Variants in ATL3 observed in about 807,000 individuals in gnomAD.
The protein encoded by ATL3 is atlastin GTPase 3.
A neutral mutation model predicts 69.5 loss-of-function variants in ATL3; 49 were observed. That is an observed-to-expected ratio of 0.71 (90% CI 0.56 to 0.89). The LOEUF (loss-of-function observed/expected upper bound fraction) is 0.89. Ranked by LOEUF, ATL3 falls within the 40% of genes least tolerant of loss-of-function variation. The probability of loss-of-function intolerance (pLI) is 0.00; values close to 1 mark genes in which losing one functional copy is unlikely to be tolerated. For missense variants in ATL3, 606 were observed against 645.7 expected (o/e 0.94, Z 0.67); for synonymous variants, 214 against 224.1 (o/e 0.95, Z 0.40).
chr11:63,662,890 A>C (rs556217174), intron 1 of ATL3, among the ~76,000 whole-genome samples: 1 of 152,030 alleles, frequency 6.6e-6, no homozygotes, highest in African/African-American at 2.4e-5. Flanking sequence ...CATTTAAAGT[A>C]GACTTAAGGA....
At chr11:63,632,903 C>T (rs907806912) in intron 11 of ATL3, 123 bp downstream of exon 11, 13 of 900,702 alleles carry the variant, frequency 1.4e-5, no homozygotes, top group Non-Finnish European at 1.9e-5. Context: ...CCAGGACAAC[C>T]TGAATATAAG....
chr11:63,644,300 A>G, intron 6 of ATL3, 39 bp from the exon 7 acceptor site: 1 of 1,298,982 alleles, frequency 7.7e-7, no homozygotes, highest in Non-Finnish European at 1.1e-6. Context: ...TAACATGCAT[A>G]AACACATTTT....
At chr11:63,634,936 C>T (rs920081158) in intron 10 of ATL3, among the ~76,000 whole-genome samples, 1 of 151,410 alleles carries the variant, frequency 6.6e-6, no homozygotes, top group African/African-American at 2.4e-5. Context: ...CCAAGACGGT[C>T]GGATTGCTTG....
intron 5 of ATL3, chr11:63,650,716 T>C (rs954439438): frequency 7.2e-5 from 11 of 152,166 alleles, no homozygotes; most frequent in Non-Finnish European, 1.2e-4. Context: ...CTTACATATA[T>C]CTATAGCACT....
At chr11:63,658,107 T>G (rs971179248) in intron 3 of ATL3, among the ~76,000 whole-genome samples, 1 of 152,162 alleles carries the variant, frequency 6.6e-6, no homozygotes, top group African/African-American at 2.4e-5. Flanking sequence ...CTGCCCACCC[T>G]GGCCTCCCAA....
chr11:63,648,097 G>A (rs1939944706), intron 5 of ATL3, among the ~76,000 whole-genome samples: 1 of 152,140 alleles, frequency 6.6e-6, no homozygotes, highest in Non-Finnish European at 1.5e-5. Context: ...CTCCATAGAA[G>A]ATGGGAAGTG....
chr11:63,644,955 G>T (rs1033294274), intron 6 of ATL3, among the ~76,000 whole-genome samples: 2 of 152,080 alleles, frequency 1.3e-5, no homozygotes, highest in African/African-American at 2.4e-5. Context: ...AGTGGCTCAC[G>T]CCTGTATCCC....
chr11:63,658,230 C>T (rs1426596303), intron 3 of ATL3, among the ~76,000 whole-genome samples: 1 of 152,130 alleles, frequency 6.6e-6, no homozygotes, highest in Non-Finnish European at 1.5e-5. Context: ...AATTAAAAAG[C>T]TATGTGTTTT....
upstream of ATL3, chr11:63,671,825 T>A: frequency 1.0e-6 from 1 of 975,156 alleles, no homozygotes; most frequent in Non-Finnish European, 1.3e-6. Flanking sequence ...TCCTGCGAGC[T>A]GCGGCCGGCG....
chr11:63,645,690 A>C (rs1318737503), intron 6 of ATL3, among the ~76,000 whole-genome samples: 1 of 151,844 alleles, frequency 6.6e-6, no homozygotes, highest in African/African-American at 2.4e-5. Flanking sequence ...TCCTAGGCTT[A>C]AGTGATCCTC....
chr11:63,637,193 T>C lies in ATL3; in HGVS notation c.851-859A>G, dbSNP rs554341369. 2.6e-5 allele frequency among the ~76,000 whole-genome samples: 4 copies of C among 151,610 alleles called. No individual in the cohort carries two copies. In the East Asian group the frequency reaches 7.9e-4, roughly 30 times the overall value. On this transcript the variant is annotated intron_variant, in intron 8 of 12. Transcript: ENST00000398868. ...TCGGGAGGCTGAAGCAGAGAATAGC[T>C]TGAACCCGGAAGGCAGAGGTTGCAG... is the stretch of plus-strand genomic sequence containing the variant.
intron 4 of ATL3, 138 bp from the exon 5 acceptor site, chr11:63,652,124 G>C: frequency 7.1e-7 from 1 of 1,406,870 alleles, no homozygotes; most frequent in Non-Finnish European, 9.3e-7. Flanking sequence ...ACAGCAATAT[G>C]ATCTGTCTTT....
At chr11:63,633,208 T>C in intron 10 of ATL3, 111 bp from the exon 11 acceptor site, 1 of 831,108 alleles carries the variant, frequency 1.2e-6, no homozygotes, top group Non-Finnish European at 1.9e-6. Context: ...TTATTAACCT[T>C]CTATTTTTCT....
chr11:63,664,979 T>A (rs1940532140), intron 1 of ATL3, among the ~76,000 whole-genome samples: 1 of 152,018 alleles, frequency 6.6e-6, no homozygotes. Flanking sequence ...AGGATCCAAG[T>A]GGCATTGTCA....
chr11:63,651,400 C>T (rs1940074600), intron 5 of ATL3, among the ~76,000 whole-genome samples: 1 of 149,980 alleles, frequency 6.7e-6, no homozygotes, highest in South Asian at 2.1e-4. Flanking sequence ...AGCAAGACTT[C>T]GTCTTAAAAA....
In ATL3 at chr11:63,624,907, C is replaced by CT. The variant is rs1165291142; in HGVS notation, c.*4411dup. The CT allele has an allele frequency of 1.3e-5, 2 of 152,136 alleles. No homozygotes were observed. The highest frequency in any genetic ancestry group is 2.9e-5 in the Non-Finnish European group (2 of 68,034). The allele number at this position is 152,136 out of a possible 1,614,324, so 9.4% of individuals were successfully genotyped here. A position where few individuals can be genotyped will look rare whatever the true frequency, so the allele number is the denominator to read the frequency against. On this transcript the variant is annotated 3_prime_UTR_variant, in exon 13 of 13. Transcript: ENST00000398868. ...ACTGAATTGTACTTTCTCCTTGGTA[C>CT]TTCCCATTCGATGAAGCAGTCTCTC...
chr11:63,670,177 G>A (rs559486143), intron 1 of ATL3, among the ~76,000 whole-genome samples: 30 of 152,260 alleles, frequency 2.0e-4, no homozygotes, highest in African/African-American at 6.5e-4. Context: ...GTGTTTACAG[G>A]TGTTAGAGCG....
At chr11:63,671,704 A>G (rs1346570388), upstream of ATL3, 1 of 1,297,804 alleles carries the variant, frequency 7.7e-7, no homozygotes, top group Non-Finnish European at 1.0e-6. Context: ...GGTCCCGGCC[A>G]GCGGTCCTCA....
In ATL3 at chr11:63,625,024, A is replaced by G. The variant is rs1939059211; in HGVS notation, c.*4295T>C. 1 of 152,194 alleles carries G rather than the reference A, an allele frequency of 6.6e-6. No individual in the cohort carries two copies. Among genetic ancestry groups the G allele is most frequent in the South Asian group, 2.1e-4 (1 of 4,826 alleles). The allele number at this position is 152,194 out of a possible 1,614,324, so 9.4% of individuals were successfully genotyped here. A position where few individuals can be genotyped will look rare whatever the true frequency, so the allele number is the denominator to read the frequency against. ...GCAATCCCTGGGTACAAAGCTAGGA[A>G]TCTGAACTTTTTAAACAAGCCTGCT... is the stretch of plus-strand genomic sequence containing the variant. On this transcript the variant is annotated 3_prime_UTR_variant, in exon 13 of 13. Transcript: ENST00000398868.
Sources: allele counts gnomAD v4.1 joint callset (sites outside exome capture counted in the v4.1 genomes callset), GRCh38; gene constraint gnomAD v4.1.1; transcripts MANE v1.5; gene names NCBI Gene and HGNC (gene_info 2026-07-23, HGNC 2026-07-21).